The following CSMD2 variants were observed in gnomAD, a reference collection of about 807,000 sequenced individuals.
The protein encoded by CSMD2 is CUB and sushi domain-containing protein 2.
CSMD2 carries 130 observed loss-of-function variants against 398.5 expected under a neutral mutation model. The observed-to-expected ratio is 0.33, with a 90% CI of 0.28 to 0.38. The LOEUF is 0.38. Ranked by LOEUF, CSMD2 falls within the 10% of genes least tolerant of loss-of-function variation. The pLI is 1.00. For synonymous variants in CSMD2, 1,828 were observed against 1,908.5 expected, an observed-to-expected ratio of 0.96 and a Z score of 1.10; for missense variants, 3,829 against 4,764.9, an observed-to-expected ratio of 0.80 and a Z score of 5.78.
intron 25 of CSMD2, among the ~76,000 whole-genome samples, chr1:33,664,176 T>C (rs1644233600): frequency 1.3e-5 from 2 of 152,224 alleles, no homozygotes; most frequent in Admixed American, 6.5e-5. Flanking sequence ...AAAGTCTCTC[T>C]TTCACACAGC....
At chr1:33,605,872 C>A in intron 41 of CSMD2, 4 of 1,613,172 alleles carry the variant, frequency 2.5e-6, no homozygotes, top group Non-Finnish European at 3.4e-6. Context: ...CCTTCACAAC[C>A]AGGATCAAGA....
At chr1:33,892,671 G>C in intron 5 of CSMD2, among the ~76,000 whole-genome samples, 1 of 152,196 alleles carries the variant, frequency 6.6e-6, no homozygotes, top group East Asian at 1.9e-4. Flanking sequence ...TTATGGCTGA[G>C]TAGTATTCCA....
intron 15 of CSMD2, among the ~76,000 whole-genome samples, chr1:33,738,188 T>C (rs1646943851): frequency 6.6e-6 from 1 of 152,066 alleles, no homozygotes; most frequent in African/African-American, 2.4e-5. Flanking sequence ...AGTCAAGAGG[T>C]CTCTTAAGTC....
intron 5 of CSMD2, chr1:33,863,461 C>T (rs569589066): frequency 6.6e-6 from 1 of 152,290 alleles, no homozygotes; most frequent in South Asian, 2.1e-4. Flanking sequence ...GGTTCTCCCC[C>T]CTCTTTCGCC....
At chr1:33,898,918 C>T (rs1642570687) in intron 5 of CSMD2, among the ~76,000 whole-genome samples, 1 of 152,134 alleles carries the variant, frequency 6.6e-6, no homozygotes, top group African/African-American at 2.4e-5. Flanking sequence ...ATTGTGAGAG[C>T]CAAACAGACA....
chr1:34,085,675 C>G (rs887803539), intron 2 of CSMD2, among the ~76,000 whole-genome samples: 1 of 152,026 alleles, frequency 6.6e-6, no homozygotes, highest in African/African-American at 2.4e-5. Context: ...GATATGAACC[C>G]CTTTCTTTGT....
At chr1:33,651,453 G>A (rs1009017573) in intron 28 of CSMD2, among the ~76,000 whole-genome samples, 2 of 152,194 alleles carry the variant, frequency 1.3e-5, no homozygotes, top group Non-Finnish European at 2.9e-5. Flanking sequence ...CGATGCTGAC[G>A]CTCAGAATAA....
At chr1:34,059,307 G>A (rs1334806536) in intron 2 of CSMD2, among the ~76,000 whole-genome samples, 1 of 152,176 alleles carries the variant, frequency 6.6e-6, no homozygotes, top group Non-Finnish European at 1.5e-5. Flanking sequence ...CCCTTCTTCT[G>A]TGCCTCAAAA....
At position 33,793,376 on chromosome 1, in the gene CSMD2, G is replaced by A. The variant is rs116882297; in HGVS notation, c.1447-850C>T. ...AAGGAGTCAGGTGCACAGGGCCTGA[G>A]CTATGGCAGAGATGGAACATTCCAG... On this transcript the variant is annotated intron_variant, in intron 10 of 70. Coordinates refer to ENST00000373381, the MANE Select transcript of CSMD2 (RefSeq NM_001281956.2). Among the ~76,000 whole-genome samples the A allele has an allele frequency of 1.1e-3, 170 of 152,276 alleles. 4 individuals are homozygous for A. The East Asian group carries it at 0.026, about 23-fold the overall frequency.
intron 6 of CSMD2, among the ~76,000 whole-genome samples, chr1:33,838,147 C>A (rs570510617): frequency 6.6e-6 from 1 of 152,218 alleles, no homozygotes; most frequent in Non-Finnish European, 1.5e-5. Context: ...GAGGGTGAGC[C>A]CCTCCAATAA....
chr1:33,766,588 C>T (rs1009493430), intron 13 of CSMD2, among the ~76,000 whole-genome samples: 2 of 152,226 alleles, frequency 1.3e-5, no homozygotes, highest in Non-Finnish European at 2.9e-5. Flanking sequence ...GGACACGGAC[C>T]GTGCCCAATT....
chr1:33,565,965 G>C (rs902141107), intron 53 of CSMD2, among the ~76,000 whole-genome samples: 1 of 151,918 alleles, frequency 6.6e-6, no homozygotes, highest in Admixed American at 6.6e-5. Flanking sequence ...AATTTAATAA[G>C]AGTTACTCAA....
In CSMD2 at chr1:33,550,308, A is replaced by G. The variant is rs1276026128; in HGVS notation, c.8786T>C (p.Met2929Thr). The G allele has an allele frequency of 6.2e-7, 1 of 1,614,196 alleles. No individual in the cohort carries two copies. The highest frequency in any genetic ancestry group is 2.2e-5 in the East Asian group (1 of 44,884). ...GHPGSPPHSQ[M>T]SGDSYTVGAV... is the part of the protein sequence containing the mutation. ...TCCCACAGTATAACTGTCTCCAGACATCTGGGAGTGAGGCGGGGAGCCCGG... is the reference window on the plus strand; with the variant it reads ...TCCCACAGTATAACTGTCTCCAGACGTCTGGGAGTGAGGCGGGGAGCCCGG... Residue 2929 changes from methionine to threonine, a missense_variant, in exon 56 of 71, where the codon ATG (methionine) becomes ACG (threonine). This residue lies in a region of CSMD2 where 917 missense variants were observed against 1,199.5 expected (regional missense o/e 0.76). Coordinates refer to ENST00000373381, the MANE Select transcript of CSMD2 (RefSeq NM_001281956.2).
chr1:34,126,105 C>G (rs980905511), intron 1 of CSMD2, among the ~76,000 whole-genome samples: 2 of 152,230 alleles, frequency 1.3e-5, no homozygotes, highest in African/African-American at 4.8e-5. Flanking sequence ...CAGTTGCCCA[C>G]AGCAGTAGCT....
At chr1:33,979,789 C>A (rs560412188) in intron 3 of CSMD2, among the ~76,000 whole-genome samples, 24 of 152,174 alleles carry the variant, frequency 1.6e-4, no homozygotes, top group Non-Finnish European at 2.8e-4. Flanking sequence ...GAGCAGGGAC[C>A]CCAGAGCCCA....
intron 4 of CSMD2, among the ~76,000 whole-genome samples, chr1:33,921,502 G>A (rs774135188): frequency 1.3e-5 from 2 of 152,206 alleles, no homozygotes; most frequent in Non-Finnish European, 2.9e-5. Flanking sequence ...CACTACACCA[G>A]GTGGAACTGT....
chr1:33,909,978 A>G (rs1379045877), intron 5 of CSMD2, among the ~76,000 whole-genome samples: 1 of 152,006 alleles, frequency 6.6e-6, no homozygotes, highest in Non-Finnish European at 1.5e-5. Context: ...TCCTCTCTTC[A>G]ATACATGGCC....
intron 1 of CSMD2, among the ~76,000 whole-genome samples, chr1:34,110,925 A>AAATATTAAC (rs1345062448): frequency 1.3e-5 from 2 of 152,228 alleles, no homozygotes; most frequent in Non-Finnish European, 2.9e-5. Flanking sequence ...AAATGAAATA[A>AAATATTAAC]AATATTAACT....
intron 12 of CSMD2, among the ~76,000 whole-genome samples, chr1:33,776,795 A>C (rs912032874): frequency 5.9e-5 from 9 of 151,868 alleles, no homozygotes; most frequent in Non-Finnish European, 8.8e-5. Flanking sequence ...TGAAGAAGGA[A>C]AGAGGTGAAA....
Sources: allele counts gnomAD v4.1 joint callset (sites outside exome capture counted in the v4.1 genomes callset), GRCh38; gene constraint gnomAD v4.1.1; regional missense constraint gnomAD v4.1.1; transcripts MANE v1.5; gene names NCBI Gene and HGNC (gene_info 2026-07-23, HGNC 2026-07-21).